Variants in ABCC5 observed in about 807,000 individuals in gnomAD.
The protein encoded by ABCC5 is ATP-binding cassette sub-family C member 5.
A neutral mutation model predicts 160.9 loss-of-function variants in ABCC5; 61 were observed. That is an observed-to-expected ratio of 0.38 (90% confidence interval 0.31 to 0.47). The LOEUF (loss-of-function observed/expected upper bound fraction) is 0.47, where lower values mean the gene tolerates loss of function less well. Among genes scored for constraint, ABCC5 ranks in the 20% least tolerant of loss-of-function variants. The pLI is 0.99. For missense variants in ABCC5, 1,308 were observed against 1,813.3 expected, an observed-to-expected ratio of 0.72 and a Z score of 5.06; for synonymous variants, 666 against 700.6, an observed-to-expected ratio of 0.95 and a Z score of 0.78.
intron 23 of ABCC5, among the ~76,000 whole-genome samples, chr3:183,946,666 C>G (rs989975126): frequency 1.3e-5 from 2 of 152,016 alleles, no homozygotes; most frequent in Middle Eastern, 3.2e-3. Context: ...CCTACCCCCA[C>G]CCCCCATATT....
At chr3:183,925,771 T>C (rs1414772987) in intron 28 of ABCC5, 52 bp from the exon 29 acceptor site, 2 of 1,563,484 alleles carry the variant, frequency 1.3e-6, no homozygotes, top group African/African-American at 2.7e-5. Flanking sequence ...TTTAGCATTC[T>C]GGTTAATCTA....
At chr3:183,973,726 G>A (rs753704860) in intron 10 of ABCC5, among the ~76,000 whole-genome samples, 1 of 152,090 alleles carries the variant, frequency 6.6e-6, no homozygotes, top group Non-Finnish European at 1.5e-5. Context: ...TGTGGCCCCC[G>A]CTTGCTGAAA....
chr3:183,978,783 A>G (rs1718445607), intron 8 of ABCC5, 132 bp from the exon 9 acceptor site: 2 of 952,006 alleles, frequency 2.1e-6, no homozygotes, highest in African/African-American at 1.7e-5. Flanking sequence ...CTCTACCACT[A>G]AAGCTGGTAT....
chr3:183,929,747 A>T (rs1049741366), intron 26 of ABCC5, among the ~76,000 whole-genome samples: 1 of 152,132 alleles, frequency 6.6e-6, no homozygotes, highest in Non-Finnish European at 1.5e-5. Flanking sequence ...CGAGACTAGA[A>T]ATTTTTTTTT....
chr3:183,947,564 A>T (rs1714965485), intron 22 of ABCC5, 54 bp from the exon 23 acceptor site: 1 of 1,418,714 alleles, frequency 7.0e-7, no homozygotes. Context: ...AACCCCGCGC[A>T]TGGACAAAGC....
At position 183,989,323 on chromosome 3, in the gene ABCC5, AG is replaced by A. The variant is rs1264250569; in HGVS notation, c.189del (p.Ser64ProfsTer22). 6.2e-7 allele frequency: 1 copy of A among 1,614,024 alleles called. No individual in the cohort carries two copies. The highest frequency in any genetic ancestry group is 1.3e-5 in the African/African-American group (1 of 74,914). On this transcript the variant is annotated frameshift_variant, in exon 3 of 30. Coordinates refer to ENST00000334444, the MANE Select transcript of ABCC5 (RefSeq NM_005688.4). LOFTEE classifies it high-confidence loss of function. The stretch of plus-strand genomic sequence containing the variant: ...AGGATTCTGAGCTGAGAATGCATGG[AG>A]GCATCAAGAGAGAGGCCCTCGGCTC... ...AARAEGLSLD[A>X]SMHSQLRILD...
Position 183,942,898 on chromosome 3 carries a change from G to A in ABCC5, c.3523C>T (p.Pro1175Ser), listed in dbSNP as rs750109422. The A allele has an allele frequency of 1.2e-6, 2 of 1,613,526 alleles. No individual in the cohort carries two copies. The highest frequency in any genetic ancestry group is 8.5e-7 in the Non-Finnish European group (1 of 1,179,650). Residue 1175 changes from proline to serine, a missense_variant, in exon 25 of 30, where the codon CCT (proline) becomes TCT (serine). Physicochemically the swap from Pro to Ser is moderately conservative, Grantham distance 74. Coordinates refer to ENST00000334444, the MANE Select transcript of ABCC5 (RefSeq NM_005688.4). The stretch of plus-strand genomic sequence containing the variant: ...GGAGCCTTGTTCTTAATTCTGGCAG[G>A]TGCTTCCAAGGACAGAGTCTGGGGA... Reference protein sequence around the residue: ...HYIKTLSLEAPARIKNKAPSP... With the variant: ...HYIKTLSLEASARIKNKAPSP...
chr3:184,005,471 A>AT (rs1303668444), intron 2 of ABCC5, among the ~76,000 whole-genome samples: 1 of 152,230 alleles, frequency 6.6e-6, no homozygotes, highest in Non-Finnish European at 1.5e-5. Context: ...AATTCTGCTC[A>AT]TTAGTGGACT....
At chr3:183,929,259 C>T (rs1712932644) in intron 26 of ABCC5, among the ~76,000 whole-genome samples, 2 of 151,824 alleles carry the variant, frequency 1.3e-5, no homozygotes, top group South Asian at 4.2e-4. Context: ...ATGGTGAATC[C>T]CTGTCTCTAC....
chr3:184,009,282 GTTGT>G (rs1721496196), intron 2 of ABCC5, among the ~76,000 whole-genome samples: 1 of 151,994 alleles, frequency 6.6e-6, no homozygotes, highest in African/African-American at 2.4e-5. Context: ...AGGCTTTTTT[GTTGT>G]TTGTTTTAAA....
Position 183,928,764 on chromosome 3 carries a change from T to C in ABCC5, c.3916A>G (p.Thr1306Ala), listed in dbSNP as rs754115665. ...TCACTTACACATTCTTTCATGTGTG[T>C]CCTCTCCAGGGCATCCCAAATCTGG... Reference protein sequence around the residue: ...EDQIWDALERTHMKECIAQLP... With the variant: ...EDQIWDALERAHMKECIAQLP... Residue 1306 changes from threonine to alanine, a missense_variant, in exon 27 of 30, where the codon ACA becomes GCA. Coordinates refer to ENST00000334444, the MANE Select transcript of ABCC5 (RefSeq NM_005688.4). 5.6e-6 allele frequency: 9 copies of C among 1,614,154 alleles called. No individual in the cohort carries two copies. The highest frequency in any genetic ancestry group is 5.0e-5 in the Admixed American group (3 of 60,024).
At chr3:183,955,473 G>C (rs538731167) in intron 17 of ABCC5, among the ~76,000 whole-genome samples, 4 of 152,184 alleles carry the variant, frequency 2.6e-5, no homozygotes, top group Non-Finnish European at 2.9e-5. Flanking sequence ...AGGTTCCATT[G>C]GGTACCCTTG....
chr3:183,977,030 G>C lies in ABCC5; in HGVS notation c.1404+487C>G, dbSNP rs113468175. Among the ~76,000 whole-genome samples, 911 of 152,302 alleles carry C rather than the reference G, an allele frequency of 6.0e-3. 10 individuals are homozygous for C. The highest frequency in any genetic ancestry group is 0.021 in the African/African-American group (872 of 41,578). On this transcript the variant is annotated intron_variant, in intron 10 of 29. Coordinates refer to ENST00000334444, the MANE Select transcript of ABCC5 (RefSeq NM_005688.4). ...TAACTGCACTTCTCAACATGACCTA[G>C]TTTTATGACTATTTCCATGTAACTG...
Position 183,924,010 on chromosome 3 carries a change from C to CTTTTTTTT in ABCC5, c.4212+1537_4212+1544dup, listed in dbSNP as rs200040197. ...AAATCCCACCAATTTTTACTGTTTG[C>CTTTTTTTT]TTTTTTTTTTTTTTTTTTTTTTTGA... is the stretch of plus-strand genomic sequence containing the variant. On this transcript the variant is annotated intron_variant, in intron 29 of 29. Coordinates refer to ENST00000334444, the MANE Select transcript of ABCC5 (RefSeq NM_005688.4). Among the ~76,000 whole-genome samples, 157 of 112,786 alleles carry CTTTTTTTT rather than the reference C, an allele frequency of 1.4e-3. 2 individuals carry two copies. The highest frequency in any genetic ancestry group is 4.7e-3 in the Middle Eastern group (1 of 214). 74.0% of individuals were successfully genotyped at this position (112,786 alleles called of 152,430 possible).
intron 1 of ABCC5, among the ~76,000 whole-genome samples, chr3:184,016,290 T>A (rs1209598676): frequency 6.6e-6 from 1 of 152,138 alleles, no homozygotes; most frequent in Non-Finnish European, 1.5e-5. Flanking sequence ...TGGGGAACAG[T>A]GTTCCATTAT....
At chr3:183,923,156 T>C (rs1193609459) in intron 29 of ABCC5, among the ~76,000 whole-genome samples, 9 of 151,374 alleles carry the variant, frequency 5.9e-5, no homozygotes, top group Non-Finnish European at 1.0e-4. Flanking sequence ...TTTTCTGGTG[T>C]GTGTGTGGTT....
rs533248980 is a variant in ABCC5 at position 183,985,556 on chromosome 3, AAG to A, written c.591+2212_591+2213del. 4.2e-4 allele frequency: 303 copies of A among 728,286 alleles called. 1 individual carries two copies. In the East Asian group the frequency reaches 7.7e-3, roughly 18 times the overall value. 45.1% of individuals were successfully genotyped at this position (728,286 alleles called of 1,614,324 possible). ...CCCTCGAGCAGAGTTAGCATTCACC[AAG>A]AGAGAGCACTGCAGGAGGCGGCCTT... On this transcript the variant is annotated intron_variant, in intron 5 of 29. Coordinates refer to ENST00000334444, the MANE Select transcript of ABCC5 (RefSeq NM_005688.4).
Position 183,982,739 on chromosome 3 carries a change from T to C in ABCC5, c.825+35A>G. 1 of 1,610,864 alleles carries C rather than the reference T, an allele frequency of 6.2e-7. No individual in the cohort carries two copies. The highest frequency in any genetic ancestry group is 8.5e-7 in the Non-Finnish European group (1 of 1,177,186). On this transcript the variant is annotated intron_variant, in intron 6 of 29. Transcript: ENST00000334444. This position sits in a 1 kb window ranked among gnomAD's most constrained non-coding sequence, Gnocchi z 5.2. Reference sequence around the variant, plus strand: ...AGGAATGAACCTCAAGCTAGGAAGTTGCTCTCTGCTGTGAAGCAAACACCC... The same window carrying C: ...AGGAATGAACCTCAAGCTAGGAAGTCGCTCTCTGCTGTGAAGCAAACACCC...
chr3:183,995,044 C>T (rs1027215109), intron 2 of ABCC5, among the ~76,000 whole-genome samples: 1 of 151,838 alleles, frequency 6.6e-6, no homozygotes, highest in Admixed American at 6.6e-5. Flanking sequence ...GGAGACAGCA[C>T]TATGTTGCCC....
Sources: gnomAD v4.1 joint callset for allele counts (sites outside exome capture counted in the v4.1 genomes callset) on GRCh38, gnomAD v4.1.1 for gene constraint, Gnocchi (gnomAD v3.1) non-coding constraint, MANE v1.5 for transcripts, NCBI Gene and HGNC (gene_info 2026-07-23, HGNC 2026-07-21) for gene names.